TBC1D17: variants seen among roughly 807,000 people sequenced by gnomAD.
TBC1D17 encodes TBC1 domain family, member 17.
Under a neutral mutation model 78.8 loss-of-function variants are expected in TBC1D17, and 69 were observed. The ratio of observed to expected loss-of-function variants is 0.88; its 90% confidence interval spans 0.72 to 1.07. The LOEUF (loss-of-function observed/expected upper bound fraction) is 1.07. Among genes scored for constraint, TBC1D17 ranks in the 50% least tolerant of loss-of-function variants. TBC1D17 has a pLI of 0.00. For missense variants in TBC1D17, 957 were observed against 861.0 expected (o/e 1.11, Z -1.39); for synonymous variants, 456 against 358.3 (o/e 1.27, Z -3.08).
chr19:49,878,534 G>A lies in TBC1D17; in HGVS notation c.157G>A (p.Glu53Lys), dbSNP rs757397837. 6.2e-7 allele frequency: 1 copy of A among 1,614,040 alleles called. No individual in the cohort carries two copies. The highest frequency in any genetic ancestry group is 1.7e-5 in the Admixed American group (1 of 60,002). ...DVLLHWAPVE[E>K]AGDSTQILFS... The stretch of plus-strand genomic sequence containing the variant: ...CCTCCTGCACTGGGCTCCTGTAGAG[G>A]AGGCTGGAGATTCCACCCAAATCCT... The change falls in exon 3 of 17, where the codon GAG (glutamate) becomes AAG (lysine). Residue 53 changes from glutamate to lysine, a missense_variant. Coordinates refer to ENST00000221543, the MANE Select transcript of TBC1D17 (RefSeq NM_024682.3).
intron 16 of TBC1D17, 30 bp downstream of exon 16, chr19:49,888,347 G>GC: frequency 3.0e-6 from 1 of 334,386 alleles, no homozygotes; most frequent in Non-Finnish European, 4.2e-6. Context: ...GCAGCGCCCC[G>GC]CCCGAACCCC....
intron 14 of TBC1D17, 69 bp from the exon 15 acceptor site, chr19:49,887,649 G>A: frequency 6.2e-7 from 1 of 1,609,298 alleles, no homozygotes; most frequent in Non-Finnish European, 8.5e-7. Flanking sequence ...GAGAGGGACA[G>A]ACCCTGGTGG....
intron 13 of TBC1D17, among the ~76,000 whole-genome samples, chr19:49,885,742 C>T (rs1787694866): frequency 6.6e-6 from 1 of 151,212 alleles, no homozygotes; most frequent in African/African-American, 2.4e-5. Flanking sequence ...GGAGGCCAGG[C>T]AGGTGGATCA....
At chr19:49,884,394 C>T (rs374203011) in intron 11 of TBC1D17, 25 bp downstream of exon 11, 14 of 1,613,600 alleles carry the variant, frequency 8.7e-6, no homozygotes, top group African/African-American at 8.0e-5. Flanking sequence ...TGGGGACGGG[C>T]GTGGCCGGGG....
chr19:49,877,767 C>T (rs1445433500), intron 1 of TBC1D17, 23 bp downstream of exon 1: 2 of 1,584,060 alleles, frequency 1.3e-6, no homozygotes, highest in Non-Finnish European at 8.6e-7. Flanking sequence ...GACGCATTCC[C>T]TCGCTTCAGT....
rs950283774 is a variant in TBC1D17, at chr19:49,880,898, G to A, written c.320-370G>A. Among the ~76,000 whole-genome samples the A allele has an allele frequency of 7.2e-5, 11 of 152,302 alleles. No individual in the cohort carries two copies. In the East Asian group the frequency reaches 1.7e-3, roughly 24 times the overall value. ...TGCAAGCCAGAGGCAGGCGGCCCCC[G>A]TGTGTTTAGGGAGCCGCTGGCCTTT... is the stretch of plus-strand genomic sequence containing the variant. On this transcript the variant is annotated intron_variant, in intron 4 of 16. Transcript: ENST00000221543.
chr19:49,888,686 G>C lies in TBC1D17; in HGVS notation c.*62G>C. 7.2e-7 allele frequency: 1 copy of C among 1,394,700 alleles called. No individual in the cohort carries two copies. Among genetic ancestry groups the C allele is most frequent in the Non-Finnish European group, 9.6e-7 (1 of 1,042,964 alleles). The allele number at this position is 1,394,700 out of a possible 1,614,324, so 86.4% of individuals were successfully genotyped here. A position where few individuals can be genotyped will look rare whatever the true frequency, so the allele number is the denominator to read the frequency against. Reference sequence around the variant, plus strand: ...GCCCGAGCCAGGCACACCTGCGAGGGGGCAGGTGTGCTCCGCCGCCCTGCT... The same window carrying C: ...GCCCGAGCCAGGCACACCTGCGAGGCGGCAGGTGTGCTCCGCCGCCCTGCT... On this transcript the variant is annotated 3_prime_UTR_variant, in exon 17 of 17. Transcript: ENST00000221543.
rs966064519 is a variant in TBC1D17, at chr19:49,882,850, C to T, written c.885C>T (p.Arg295=). Residue 295 remains arginine (R), a synonymous_variant, in exon 8 of 17, where the codon CGC becomes CGT. Coordinates refer to ENST00000221543, the MANE Select transcript of TBC1D17 (RefSeq NM_024682.3). ...CACGCCACGTGGGCCCTGAAGGTCGCCTGCAGCAGGTCCCTGAGCTGAAGA... is the reference window on the plus strand; with the variant it reads ...CACGCCACGTGGGCCCTGAAGGTCGTCTGCAGCAGGTCCCTGAGCTGAAGA... ...EWARHVGPEG[R]LQQVPELKNR... 2.5e-6 allele frequency: 4 copies of T among 1,611,068 alleles called. No individual in the cohort carries two copies. The highest frequency in any genetic ancestry group is 1.7e-5 in the Admixed American group (1 of 59,648).
chr19:49,878,502 A>G lies in TBC1D17; in HGVS notation c.125A>G (p.Asn42Ser), dbSNP rs2074980257. 1 of 1,613,938 alleles carries G rather than the reference A, an allele frequency of 6.2e-7. No homozygotes were observed. Among genetic ancestry groups the G allele is most frequent in the Non-Finnish European group, 8.5e-7 (1 of 1,179,834 alleles). The change falls in exon 3 of 17, where the codon AAT becomes AGT. Residue 42 changes from asparagine (N) to serine (S), a missense_variant. Coordinates refer to ENST00000221543, the MANE Select transcript of TBC1D17 (RefSeq NM_024682.3). Reference protein sequence around the residue: ...AGVIRVVEKDNDVLLHWAPVE... With the variant: ...AGVIRVVEKDSDVLLHWAPVE... ...CCGCCTCCCTCCTTACCCTAGGACA[A>G]TGACGTCCTCCTGCACTGGGCTCCT...
Position 49,880,317 on chromosome 19 carries a change from A to G in TBC1D17, c.234A>G (p.Glu78=). 6.2e-7 allele frequency: 1 copy of G among 1,614,012 alleles called. No homozygotes were observed. The highest frequency in any genetic ancestry group is 8.5e-7 in the Non-Finnish European group (1 of 1,179,978). ...GTGACTCATGTGCTTCTGAGGAGGAACCAACCTTTGACCCCGGCTATGAAC... is the reference window on the plus strand; with the variant it reads ...GTGACTCATGTGCTTCTGAGGAGGAGCCAACCTTTGACCCCGGCTATGAAC... ...SGGDSCASEE[E]PTFDPGYEPD... Residue 78 remains glutamate (E), a synonymous_variant, in exon 4 of 17, where the codon GAA becomes GAG. Transcript: ENST00000221543.
intron 7 of TBC1D17, 126 bp downstream of exon 7, chr19:49,882,526 T>C (rs2075024446): frequency 1.4e-6 from 2 of 1,425,610 alleles, no homozygotes; most frequent in African/African-American, 2.8e-5. Context: ...CCTCAGGGGG[T>C]GCATGAGGAA....
chr19:49,878,788 C>T (rs185074389), intron 3 of TBC1D17: 34 of 563,538 alleles, frequency 6.0e-5, no homozygotes, highest in East Asian at 4.7e-4. Context: ...ATAAGACGCA[C>T]GGTCGTGGGG....
At chr19:49,879,710 G>A (rs1442672179) in intron 3 of TBC1D17, among the ~76,000 whole-genome samples, 2 of 150,300 alleles carry the variant, frequency 1.3e-5, no homozygotes, top group Admixed American at 6.7e-5. Flanking sequence ...AGTGTCCATT[G>A]AGCACTCCGC....
At chr19:49,879,868 T>A (rs1343652305) in intron 3 of TBC1D17, among the ~76,000 whole-genome samples, 1 of 102,136 alleles carries the variant, frequency 9.8e-6, no homozygotes, top group Non-Finnish European at 2.1e-5. Context: ...TTTTTTTTTT[T>A]AATGAGACAG....
chr19:49,884,517 G>T lies in TBC1D17; in HGVS notation c.1302G>T (p.Glu434Asp). The T allele has an allele frequency of 1.2e-6, 2 of 1,614,212 alleles. No homozygotes were observed. Among genetic ancestry groups the T allele is most frequent in the Non-Finnish European group, 1.7e-6 (2 of 1,180,034 alleles). Residue 434 changes from glutamate (E) to aspartate (D), a missense_variant, in exon 12 of 17, where the codon GAG (glutamate) becomes GAT (aspartate). Glu to Asp is a conservative substitution (Grantham distance 45). Coordinates refer to ENST00000221543, the MANE Select transcript of TBC1D17 (RefSeq NM_024682.3). ...CGATCCTCTACGTCATTCAGAACGA[G>T]GTGGATGCTTTCTGGTGTTTCTGTG... is the stretch of plus-strand genomic sequence containing the variant. ...LSPILYVIQN[E>D]VDAFWCFCGF...
rs200514856 is a variant in TBC1D17 at position 49,884,708 on chromosome 19, G to A, written c.1394G>A (p.Arg465Gln). ...SQETMKRQLGRLLLLLRVLDP... is the reference protein window; with the variant it reads ...SQETMKRQLGQLLLLLRVLDP... ...GAGACCATGAAGCGGCAACTCGGGC[G>A]ACTGCTGCTGCTCCTGAGGGTGCTG... Residue 465 changes from arginine (R) to glutamine (Q), a missense_variant, in exon 13 of 17, where the codon CGA becomes CAA. By Grantham distance (43) the Arg-to-Gln change is conservative. Coordinates refer to ENST00000221543, the MANE Select transcript of TBC1D17 (RefSeq NM_024682.3). 1.3e-5 allele frequency: 21 copies of A among 1,613,960 alleles called. No individual in the cohort carries two copies. The highest frequency in any genetic ancestry group is 3.3e-5 in the Admixed American group (2 of 60,000).
chr19:49,887,459 T>C lies in TBC1D17; in HGVS notation c.1445-17T>C, dbSNP rs765046991. 2 of 1,612,312 alleles carry C rather than the reference T, an allele frequency of 1.2e-6. No homozygotes were observed. The highest frequency in any genetic ancestry group is 8.5e-7 in the Non-Finnish European group (1 of 1,178,838). On this transcript the variant is annotated splice_polypyrimidine_tract_variant and intron_variant, in intron 13 of 16. Transcript: ENST00000221543. ...CAGCGCTGGGCAAGGCTGAGTGGGCTCCATGTCATCCCCCAGATTCCCAGG... is the reference window on the plus strand; with the variant it reads ...CAGCGCTGGGCAAGGCTGAGTGGGCCCCATGTCATCCCCCAGATTCCCAGG...
intron 4 of TBC1D17, among the ~76,000 whole-genome samples, chr19:49,881,009 A>G (rs2075007923): frequency 6.6e-6 from 1 of 152,112 alleles, no homozygotes; most frequent in Non-Finnish European, 1.5e-5. Context: ...AGGGGCCTCG[A>G]GTGCCAGGTT....
intron 13 of TBC1D17, chr19:49,886,611 T>C (rs2075060483): frequency 6.6e-6 from 1 of 152,208 alleles, no homozygotes; most frequent in Non-Finnish European, 1.5e-5. Context: ...TCACGGTGCA[T>C]AGTCTGGGTA....
Sources: gnomAD v4.1 joint callset for allele counts (sites outside exome capture counted in the v4.1 genomes callset) on GRCh38, gnomAD v4.1.1 for gene constraint, MANE v1.5 for transcripts, NCBI Gene and HGNC (gene_info 2026-07-23, HGNC 2026-07-21) for gene names.